Variants in GRIK1 observed in about 807,000 individuals in gnomAD.
GRIK1 encodes the protein glutamate receptor ionotropic, kainate 1.
In GRIK1, 69 loss-of-function variants were observed where a neutral mutation model predicts 105.7. The observed-to-expected ratio is 0.65, with a 90% CI of 0.54 to 0.80. The LOEUF is 0.80. Ranked by LOEUF, GRIK1 falls within the 30% of genes least tolerant of loss-of-function variation. The probability of loss-of-function intolerance (pLI) is 0.00; values close to 1 mark genes in which losing one functional copy is unlikely to be tolerated. For synonymous variants in GRIK1, 438 were observed against 431.3 expected (o/e 1.02, Z -0.19); for missense variants, 1,109 against 1,167.3 (o/e 0.95, Z 0.73).
intron 1 of GRIK1, among the ~76,000 whole-genome samples, chr21:29,910,938 G>A (rs1182272134): frequency 6.6e-6 from 1 of 151,862 alleles, no homozygotes; most frequent in Admixed American, 6.6e-5. Context: ...GTCTACACTG[G>A]CAGAATATTA....
At chr21:29,567,997 C>T (rs1376571117) in intron 14 of GRIK1, among the ~76,000 whole-genome samples, 2 of 152,198 alleles carry the variant, frequency 1.3e-5, no homozygotes, top group Non-Finnish European at 2.9e-5. Context: ...TTTGCAGACT[C>T]TCCAACATTT....
chr21:29,764,017 A>G (rs907631883), intron 1 of GRIK1: 7 of 152,172 alleles, frequency 4.6e-5, no homozygotes, highest in Non-Finnish European at 1.0e-4. Flanking sequence ...TTACTTTTAG[A>G]TTCTTTTGCT....
At chr21:29,540,176 A>G (rs1182459693) in intron 16 of GRIK1, among the ~76,000 whole-genome samples, 2 of 152,124 alleles carry the variant, frequency 1.3e-5, no homozygotes, top group South Asian at 4.1e-4. Context: ...TTACCTGACA[A>G]TCTGTTTCAA....
intron 1 of GRIK1, among the ~76,000 whole-genome samples, chr21:29,806,376 C>G (rs774300534): frequency 6.6e-6 from 1 of 151,512 alleles, no homozygotes; most frequent in Non-Finnish European, 1.5e-5. Flanking sequence ...TCTCTCAATA[C>G]AAAACCCTAC....
At chr21:29,770,087 G>A (rs568509414) in intron 1 of GRIK1, among the ~76,000 whole-genome samples, 2 of 152,080 alleles carry the variant, frequency 1.3e-5, no homozygotes, top group East Asian at 1.9e-4. Flanking sequence ...TTCTGGATGC[G>A]GGGAGATCTT....
chr21:29,868,515 C>T (rs2068902790), intron 1 of GRIK1, among the ~76,000 whole-genome samples: 1 of 151,766 alleles, frequency 6.6e-6, no homozygotes, highest in Non-Finnish European at 1.5e-5. Flanking sequence ...TCTCTCCCTT[C>T]ATCACCTACT....
chr21:29,909,346 G>T (rs1471435247), intron 1 of GRIK1, among the ~76,000 whole-genome samples: 2 of 151,842 alleles, frequency 1.3e-5, no homozygotes, highest in African/African-American at 4.8e-5. Context: ...GCTCCTTTGT[G>T]AGGTTTTATA....
chr21:29,917,502 T>C (rs533292976), intron 1 of GRIK1, among the ~76,000 whole-genome samples: 1 of 152,164 alleles, frequency 6.6e-6, no homozygotes, highest in East Asian at 1.9e-4. Context: ...AATGACACAA[T>C]TTAATCCCAC....
chr21:29,776,672 A>C (rs2065952059), intron 1 of GRIK1, among the ~76,000 whole-genome samples: 1 of 152,214 alleles, frequency 6.6e-6, no homozygotes, highest in Non-Finnish European at 1.5e-5. Context: ...TAAAAGTGAA[A>C]GAGTCTAAAG....
At chr21:29,916,360 G>T (rs1018368672) in intron 1 of GRIK1, among the ~76,000 whole-genome samples, 2 of 151,834 alleles carry the variant, frequency 1.3e-5, no homozygotes, top group African/African-American at 2.4e-5. Context: ...ACAACTCAAA[G>T]TGGGAGCCAG....
At chr21:29,885,189 C>T (rs1441909425) in intron 1 of GRIK1, among the ~76,000 whole-genome samples, 3 of 151,762 alleles carry the variant, frequency 2.0e-5, no homozygotes, top group Non-Finnish European at 2.9e-5. Flanking sequence ...TTGTGTTGAC[C>T]GTGGATTTGC....
In GRIK1 at chr21:29,939,637, G is replaced by A. The variant is rs1396382161; in HGVS notation, c.-137C>T. The A allele has an allele frequency of 1.8e-6, 1 of 568,712 alleles. No homozygotes were observed. The highest frequency in any genetic ancestry group is 2.0e-5 in the African/African-American group (1 of 50,340). The allele number at this position is 568,712 out of a possible 1,614,324, so 35.2% of individuals were successfully genotyped here. A position where few individuals can be genotyped will look rare whatever the true frequency, so the allele number is the denominator to read the frequency against. ...GCACGCTGCGCGCTCCCCACGGAGC[G>A]AGCTCGAGGGAACCCGCGTGGGACC... On this transcript the variant is annotated 5_prime_UTR_variant, in exon 1 of 18. Transcript: ENST00000327783.
At chr21:29,713,211 A>C (rs534514972) in intron 1 of GRIK1, among the ~76,000 whole-genome samples, 1 of 152,302 alleles carries the variant, frequency 6.6e-6, no homozygotes, top group East Asian at 1.9e-4. Flanking sequence ...GATCTAAAAA[A>C]AAAATTCTTA....
intron 1 of GRIK1, among the ~76,000 whole-genome samples, chr21:29,768,101 G>A (rs977739449): frequency 2.0e-5 from 3 of 152,168 alleles, no homozygotes; most frequent in African/African-American, 7.2e-5. Context: ...GTGCTTGAAG[G>A]TGTTTATACG....
intron 1 of GRIK1, among the ~76,000 whole-genome samples, chr21:29,781,548 G>T (rs2066099874): frequency 6.8e-6 from 1 of 147,270 alleles, no homozygotes; most frequent in Non-Finnish European, 1.5e-5. Flanking sequence ...TATAGTTGTT[G>T]TATGCACTTT....
chr21:29,549,452 A>C (rs912058721), intron 16 of GRIK1, among the ~76,000 whole-genome samples: 16 of 152,208 alleles, frequency 1.1e-4, no homozygotes, highest in African/African-American at 3.6e-4. Context: ...TTGGGAAAAA[A>C]CTGCTACGTT....
chr21:29,861,307 C>T (rs2068628142), intron 1 of GRIK1, among the ~76,000 whole-genome samples: 2 of 33,004 alleles, frequency 6.1e-5, no homozygotes, highest in South Asian at 3.2e-3. Flanking sequence ...TTTGTACTTA[C>T]TCTTTTTTTT....
chr21:29,644,089 A>G (rs1368045219), intron 6 of GRIK1, among the ~76,000 whole-genome samples: 1 of 152,118 alleles, frequency 6.6e-6, no homozygotes, highest in African/African-American at 2.4e-5. Context: ...AAATTATCAT[A>G]TGGTTTTCCA....
chr21:29,574,919 C>T (rs940916753), intron 14 of GRIK1, among the ~76,000 whole-genome samples: 1 of 151,758 alleles, frequency 6.6e-6, no homozygotes, highest in African/African-American at 2.4e-5. Flanking sequence ...TGGTCTCGAT[C>T]TCCTGACCTC....
Sources: allele counts gnomAD v4.1 joint callset (sites outside exome capture counted in the v4.1 genomes callset), GRCh38; gene constraint gnomAD v4.1.1; transcripts MANE v1.5; gene names NCBI Gene and HGNC (gene_info 2026-07-23, HGNC 2026-07-21).